Variants in CNOT6 observed in about 807,000 individuals in gnomAD.
The protein encoded by CNOT6 is carbon catabolite repression 4 protein.
CNOT6 carries 12 observed loss-of-function variants against 61.2 expected under a neutral mutation model. The ratio of observed to expected loss-of-function variants is 0.20; its 90% CI spans 0.13 to 0.32. The LOEUF (loss-of-function observed/expected upper bound fraction) is 0.32. CNOT6 is among the 10% of genes least tolerant of loss of function. The pLI, the probability that CNOT6 is intolerant of heterozygous loss-of-function variation, is 1.00. For missense variants in CNOT6, 405 were observed against 663.9 expected (o/e 0.61, Z 4.28); for synonymous variants, 225 against 240.6 (o/e 0.94, Z 0.60).
chr5:180,574,563 A>T lies in CNOT6; in HGVS notation c.*363A>T, dbSNP rs1760924505. 3.8e-6 allele frequency: 1 copy of T among 264,714 alleles called. No homozygotes were observed. The highest frequency in any genetic ancestry group is 7.3e-6 in the Non-Finnish European group (1 of 136,568). The allele number at this position is 264,714 out of a possible 1,614,324, so 16.4% of individuals were successfully genotyped here. ...GTAGCACTGCTTTTTTGAGGCCAGTAGCAACATCCAGAGATCATTCTTCCA... is the reference window on the plus strand; with the variant it reads ...GTAGCACTGCTTTTTTGAGGCCAGTTGCAACATCCAGAGATCATTCTTCCA... On this transcript the variant is annotated 3_prime_UTR_variant, in exon 12 of 12. Transcript: ENST00000261951.
chr5:180,500,446 T>C (rs1466121704), intron 1 of CNOT6, among the ~76,000 whole-genome samples: 1 of 150,468 alleles, frequency 6.6e-6, no homozygotes, highest in Non-Finnish European at 1.5e-5. Context: ...CTTTTCTTTT[T>C]TTTTTTTTTG....
chr5:180,515,723 T>TAA (rs539118550), intron 1 of CNOT6, among the ~76,000 whole-genome samples: 4 of 150,550 alleles, frequency 2.7e-5, no homozygotes, highest in African/African-American at 7.3e-5. Flanking sequence ...GCCTGATTAC[T>TAA]AAAAAAAAAG....
At chr5:180,516,182 A>AT (rs11309577) in intron 1 of CNOT6, among the ~76,000 whole-genome samples, 10,467 of 137,930 alleles carry the variant, frequency 0.076, 527 homozygotes, top group East Asian at 0.25. Flanking sequence ...AAAATTCAGG[A>AT]TTTTTTTTTT....
At chr5:180,551,815 A>G (rs1759615013) in intron 3 of CNOT6, among the ~76,000 whole-genome samples, 1 of 150,184 alleles carries the variant, frequency 6.7e-6, no homozygotes, top group Admixed American at 6.6e-5. Context: ...AGTTTGTTCT[A>G]TGACTGTTTT....
At chr5:180,546,031 C>CT (rs34520066) in intron 2 of CNOT6, among the ~76,000 whole-genome samples, 26,429 of 151,078 alleles carry the variant, frequency 0.17, 2,374 homozygotes, top group Non-Finnish European at 0.19. Context: ...CTTTCTCTCT[C>CT]TTTTTTTTTA....
intron 11 of CNOT6, among the ~76,000 whole-genome samples, chr5:180,573,343 C>G (rs1760847128): frequency 6.6e-6 from 1 of 152,050 alleles, no homozygotes; most frequent in African/African-American, 2.4e-5. Context: ...AGACAAGTCT[C>G]AACCACACAA....
chr5:180,519,857 A>G (rs1253092859), intron 1 of CNOT6, among the ~76,000 whole-genome samples: 1 of 148,314 alleles, frequency 6.7e-6, no homozygotes, highest in East Asian at 1.9e-4. Context: ...TTCCCTGAAA[A>G]GGAATCTCGC....
rs527968314 is a variant in CNOT6, at chr5:180,525,241, A to G, written c.-2-4034A>G. Reference sequence around the variant, plus strand: ...GATTAAACAGTCAAAACCCATTTCTATGTTTGAAAAGTAGGCCGGGTGCGG... The same window carrying G: ...GATTAAACAGTCAAAACCCATTTCTGTGTTTGAAAAGTAGGCCGGGTGCGG... On this transcript the variant is annotated intron_variant, in intron 1 of 11. Coordinates refer to ENST00000261951, the MANE Select transcript of CNOT6 (RefSeq NM_001370472.1). Among the ~76,000 whole-genome samples the G allele has an allele frequency of 2.7e-4, 41 of 152,260 alleles. No homozygotes were observed. The South Asian group carries it at 3.3e-3, about 12-fold the overall frequency.
intron 1 of CNOT6, among the ~76,000 whole-genome samples, chr5:180,505,547 A>ATTTTT (rs386405833): frequency 5.8e-5 from 5 of 85,720 alleles, no homozygotes; most frequent in Non-Finnish European, 6.5e-5. Context: ...GTACTAGTTA[A>ATTTTT]TTTTTTTTTT....
chr5:180,570,156 G>C (rs114281692), intron 10 of CNOT6, among the ~76,000 whole-genome samples: 2,741 of 152,194 alleles, frequency 0.018, 73 homozygotes, highest in African/African-American at 0.062. Flanking sequence ...CCAGCAGTTC[G>C]AGACCAACCT....
chr5:180,542,246 G>C (rs1759085275), intron 2 of CNOT6, among the ~76,000 whole-genome samples: 1 of 151,466 alleles, frequency 6.6e-6, no homozygotes, highest in East Asian at 1.9e-4. Context: ...GTCGGCTCTG[G>C]GTTTCTGGTT....
At chr5:180,546,900 T>C (rs1192830605) in intron 2 of CNOT6, among the ~76,000 whole-genome samples, 2 of 152,238 alleles carry the variant, frequency 1.3e-5, no homozygotes, top group African/African-American at 4.8e-5. Context: ...TGCTTACATA[T>C]ATGTATGTGA....
chr5:180,541,164 A>G (rs891438415), intron 2 of CNOT6, among the ~76,000 whole-genome samples: 8 of 148,708 alleles, frequency 5.4e-5, no homozygotes, highest in African/African-American at 2.0e-4. Context: ...TTTAAGATGG[A>G]GTCTTACTCT....
At chr5:180,541,078 C>G (rs1344538956) in intron 2 of CNOT6, among the ~76,000 whole-genome samples, 2 of 151,682 alleles carry the variant, frequency 1.3e-5, no homozygotes, top group African/African-American at 4.8e-5. Context: ...GCATAGAAAT[C>G]TAGATTGACA....
chr5:180,561,198 C>G (rs1334603489), intron 4 of CNOT6, among the ~76,000 whole-genome samples: 2 of 152,202 alleles, frequency 1.3e-5, no homozygotes, highest in Non-Finnish European at 2.9e-5. Flanking sequence ...AGTGATCCTC[C>G]TGCTTCAGCC....
chr5:180,573,914 G>A (rs1760891724), intron 11 of CNOT6, 74 bp from the exon 12 acceptor site: 1 of 987,688 alleles, frequency 1.0e-6, no homozygotes, highest in Admixed American at 1.8e-5. Flanking sequence ...ATGACATAAA[G>A]GCATGTCTTG....
At chr5:180,541,429 A>C (rs1759029951) in intron 2 of CNOT6, among the ~76,000 whole-genome samples, 2 of 125,568 alleles carry the variant, frequency 1.6e-5, no homozygotes, top group Non-Finnish European at 3.3e-5. Flanking sequence ...AACCACCACA[A>C]CTGGCCAAGA....
chr5:180,526,837 A>G (rs889741841), intron 1 of CNOT6, among the ~76,000 whole-genome samples: 17 of 151,962 alleles, frequency 1.1e-4, no homozygotes, highest in African/African-American at 4.1e-4. Flanking sequence ...TTTAGAATGT[A>G]TCTATAATGG....
intron 2 of CNOT6, among the ~76,000 whole-genome samples, chr5:180,541,138 A>G (rs935759746): frequency 2.6e-5 from 4 of 151,768 alleles, no homozygotes; most frequent in African/African-American, 9.7e-5. Flanking sequence ...AAATTAAATT[A>G]AGAATTTTTT....
Sources: allele counts gnomAD v4.1 joint callset (sites outside exome capture counted in the v4.1 genomes callset), GRCh38; gene constraint gnomAD v4.1.1; transcripts MANE v1.5; gene names NCBI Gene and HGNC (gene_info 2026-07-23, HGNC 2026-07-21).